Variants in ANKRD28 observed in about 807,000 individuals in gnomAD.
ANKRD28 encodes the protein serine/threonine-protein phosphatase 6 regulatory ankyrin repeat subunit A.
In ANKRD28, 44 loss-of-function variants were observed where a neutral mutation model predicts 126.5. That is an observed-to-expected ratio of 0.35 (90% CI 0.27 to 0.45). The LOEUF is 0.45. ANKRD28 is among the 20% of genes least tolerant of loss of function. The probability of loss-of-function intolerance (pLI) is 1.00; values close to 1 mark genes in which losing one functional copy is unlikely to be tolerated. For synonymous variants in ANKRD28, 442 were observed against 468.5 expected, an observed-to-expected ratio of 0.94 and a Z score of 0.73; for missense variants, 1,110 against 1,316.6, an observed-to-expected ratio of 0.84 and a Z score of 2.43.
At chr3:15,700,295 CCGGGGTGGGGGCCTGGG>C (rs1201596280) in intron 14 of ANKRD28, among the ~76,000 whole-genome samples, 1 of 151,954 alleles carries the variant, frequency 6.6e-6, no homozygotes, top group African/African-American at 2.4e-5. Flanking sequence ...CGGGGCCTGT[CCGGGGTGGGGGCCTGGG>C]GGAGGGATAG....
At position 15,814,370 on chromosome 3, in the gene ANKRD28, GTTA is replaced by G; in HGVS notation, c.28-19067_28-19065del. Reference sequence around the variant, plus strand: ...GCTGATCCTAGAAATTAAGGGCTATGTTATTTATAAATAACTAGTACCTTAACA... The same window carrying G: ...GCTGATCCTAGAAATTAAGGGCTATGTTTATAAATAACTAGTACCTTAACA... On this transcript the variant is annotated intron_variant, in intron 1 of 27. Transcript: ENST00000399451. The surrounding 1 kb of genome is among the most constrained non-coding windows in gnomAD (Gnocchi z 4.7). The G allele has an allele frequency of 1.1e-6, 1 of 927,896 alleles. No homozygotes were observed. Among genetic ancestry groups the G allele is most frequent in the Non-Finnish European group, 1.4e-6 (1 of 698,654 alleles). 57.5% of individuals were successfully genotyped at this position (927,896 alleles called of 1,614,324 possible). A position where few individuals can be genotyped will look rare whatever the true frequency, so the allele number is the denominator to read the frequency against.
intron 14 of ANKRD28, among the ~76,000 whole-genome samples, chr3:15,699,299 A>G (rs2070186565): frequency 6.6e-6 from 1 of 152,168 alleles, no homozygotes; most frequent in South Asian, 2.1e-4. Flanking sequence ...CTATTAGAAA[A>G]CCTAGGGCAT....
chr3:15,808,241 T>G (rs1197278730), intron 1 of ANKRD28, among the ~76,000 whole-genome samples: 1 of 152,230 alleles, frequency 6.6e-6, no homozygotes, highest in Non-Finnish European at 1.5e-5. Context: ...ATCAACGGAT[T>G]TGAAGTCCTA....
rs2060728442 is a variant in ANKRD28, at chr3:15,812,166, A to AAAC, written c.28-16863_28-16861dup. On this transcript the variant is annotated intron_variant, in intron 1 of 27. Transcript: ENST00000399451. This position sits in a 1 kb window ranked among gnomAD's most constrained non-coding sequence, Gnocchi z 4.1. The stretch of plus-strand genomic sequence containing the variant: ...AGACTCTGGCAAACAAAACAAAACA[A>AAAC]AACAAAACGAAACCCAAAACAACAA... Among the ~76,000 whole-genome samples, 1 of 125,382 alleles carries AAAC rather than the reference A, an allele frequency of 8.0e-6. No individual in the cohort carries two copies. The highest frequency in any genetic ancestry group is 1.6e-5 in the Non-Finnish European group (1 of 64,004). The allele number at this position is 125,382 out of a possible 152,430, so 82.3% of individuals were successfully genotyped here.
intron 1 of ANKRD28, among the ~76,000 whole-genome samples, chr3:15,805,788 T>C (rs1460156807): frequency 1.3e-5 from 2 of 152,186 alleles, no homozygotes; most frequent in African/African-American, 2.4e-5. Context: ...TAAAATAAGT[T>C]GCTATGGTTA....
chr3:15,687,537 T>G (rs2068276354), intron 18 of ANKRD28, among the ~76,000 whole-genome samples: 1 of 152,146 alleles, frequency 6.6e-6, no homozygotes, highest in East Asian at 1.9e-4. Context: ...TAGAAAAAAA[T>G]GTATCTTGCA....
At chr3:15,804,574 T>G (rs1202558485) in intron 1 of ANKRD28, among the ~76,000 whole-genome samples, 1 of 145,344 alleles carries the variant, frequency 6.9e-6, no homozygotes, top group Non-Finnish European at 1.5e-5. Flanking sequence ...TATAAGTGAC[T>G]GTTGAGCAGT....
chr3:15,853,139 A>G lies in ANKRD28; in HGVS notation c.27+6238T>C, dbSNP rs754074690. 3.3e-5 allele frequency among the ~76,000 whole-genome samples: 5 copies of G among 152,202 alleles called. No homozygotes were observed. The highest frequency in any genetic ancestry group is 7.3e-5 in the Non-Finnish European group (5 of 68,038). On this transcript the variant is annotated intron_variant, in intron 1 of 27. Transcript: ENST00000399451. This position sits in a 1 kb window ranked among gnomAD's most constrained non-coding sequence, Gnocchi z 4.2. Reference sequence around the variant, plus strand: ...ATACAATATCCCAGTAACAGTTTAAAACATTACTGTTTTAAGTAACTAATA... The same window carrying G: ...ATACAATATCCCAGTAACAGTTTAAGACATTACTGTTTTAAGTAACTAATA...
chr3:15,761,769 T>C (rs909563208), intron 3 of ANKRD28, among the ~76,000 whole-genome samples: 7 of 152,210 alleles, frequency 4.6e-5, no homozygotes, highest in Admixed American at 3.3e-4. Context: ...TCTGTAAAAC[T>C]GTCCTAATCA....
At chr3:15,711,978 G>A (rs1000618923) in intron 11 of ANKRD28, among the ~76,000 whole-genome samples, 162 bp downstream of exon 11, 1 of 152,128 alleles carries the variant, frequency 6.6e-6, no homozygotes, top group East Asian at 1.9e-4. Context: ...TTACAGGCAT[G>A]AGCCACCACG....
chr3:15,819,085 C>T (rs2125906122), intron 1 of ANKRD28, among the ~76,000 whole-genome samples: 1 of 152,094 alleles, frequency 6.6e-6, no homozygotes, highest in South Asian at 2.1e-4. Context: ...CAAGACCAGC[C>T]TAGGCAACAT....
upstream of ANKRD28, among the ~76,000 whole-genome samples, chr3:15,799,856 T>C (rs113033336): frequency 2.1e-3 from 321 of 152,168 alleles, 2 homozygotes; most frequent in Middle Eastern, 0.01. Context: ...TCCACTTTCT[T>C]CCACCTATAA....
At chr3:15,859,472 C>G in exon 1 of ANKRD28, 2 of 1,393,876 alleles carry the variant, frequency 1.4e-6, no homozygotes, top group Non-Finnish European at 1.9e-6. Flanking sequence ...GCCGACCGGC[C>G]CACTGCTCCC....
At chr3:15,769,168 T>C (rs2058883521) in intron 2 of ANKRD28, among the ~76,000 whole-genome samples, 1 of 152,150 alleles carries the variant, frequency 6.6e-6, no homozygotes, top group Non-Finnish European at 1.5e-5. Flanking sequence ...GTCATCTGTG[T>C]GTGAGGGATG....
chr3:15,850,199 AAAAAAAT>A (rs1475796378), intron 1 of ANKRD28, among the ~76,000 whole-genome samples: 1 of 58,370 alleles, frequency 1.7e-5, no homozygotes, highest in Non-Finnish European at 3.4e-5. Context: ...ATAAAAAAAA[AAAAAAAT>A]ATATATATAT....
rs1019638633 is a variant in ANKRD28, at chr3:15,843,935, T to C, written c.27+15442A>G. Reference sequence around the variant, plus strand: ...ACATTAGGAGTTAAGGCTTAAAAAGTTGGGCCAAAAGGGCTAAAGGAAGGG... The same window carrying C: ...ACATTAGGAGTTAAGGCTTAAAAAGCTGGGCCAAAAGGGCTAAAGGAAGGG... On this transcript the variant is annotated intron_variant, in intron 1 of 27. Coordinates refer to the ANKRD28 transcript ENST00000399451. This position sits in a 1 kb window ranked among gnomAD's most constrained non-coding sequence, Gnocchi z 5.2. 6.6e-6 allele frequency among the ~76,000 whole-genome samples: 1 copy of C among 151,994 alleles called. No individual in the cohort carries two copies. The highest frequency in any genetic ancestry group is 2.4e-5 in the African/African-American group (1 of 41,372).
intron 27 of ANKRD28, among the ~76,000 whole-genome samples, chr3:15,670,814 C>T (rs1208128845): frequency 6.6e-6 from 1 of 152,198 alleles, no homozygotes; most frequent in Non-Finnish European, 1.5e-5. Flanking sequence ...CCCAAGGTCT[C>T]ACAACTTATC....
chr3:15,837,679 T>G (rs994666633), intron 1 of ANKRD28, among the ~76,000 whole-genome samples: 5 of 151,680 alleles, frequency 3.3e-5, no homozygotes, highest in Admixed American at 1.3e-4. Flanking sequence ...CTGGGCACAG[T>G]GATGTTAAAA....
intron 14 of ANKRD28, chr3:15,697,425 G>T (rs1320006354): frequency 3.9e-5 from 6 of 151,918 alleles, no homozygotes; most frequent in African/African-American, 1.2e-4. Flanking sequence ...CATCAATAAA[G>T]AACTTATCTA....
Sources: allele counts gnomAD v4.1 joint callset (sites outside exome capture counted in the v4.1 genomes callset), GRCh38; gene constraint gnomAD v4.1.1; non-coding constraint Gnocchi (gnomAD v3.1); transcripts MANE v1.5; gene names NCBI Gene and HGNC (gene_info 2026-07-23, HGNC 2026-07-21).